UVRAG: variants seen among roughly 807,000 people sequenced by gnomAD.
UVRAG encodes the protein UV radiation resistance associated.
In UVRAG, 19 loss-of-function variants were observed where a neutral mutation model predicts 78.0. The ratio of observed to expected loss-of-function variants is 0.24; its 90% CI spans 0.17 to 0.36. UVRAG has a LOEUF of 0.36. Among genes scored for constraint, UVRAG ranks in the 10% least tolerant of loss-of-function variants. UVRAG has a pLI of 1.00. For synonymous variants in UVRAG, 323 were observed against 324.6 expected (o/e 1.00, Z 0.05); for missense variants, 740 against 853.8 (o/e 0.87, Z 1.66).
At chr11:76,093,580 T>C (rs1165871624) in intron 13 of UVRAG, among the ~76,000 whole-genome samples, 1 of 152,196 alleles carries the variant, frequency 6.6e-6, no homozygotes, top group Non-Finnish European at 1.5e-5. Context: ...TCACCTCCCT[T>C]GTAAGTTAGA....
At chr11:76,021,418 A>G (rs1030828076) in intron 12 of UVRAG, among the ~76,000 whole-genome samples, 5 of 151,904 alleles carry the variant, frequency 3.3e-5, no homozygotes, top group Non-Finnish European at 5.9e-5. Flanking sequence ...CTTCTTTTTC[A>G]TAGTCATTCT....
chr11:76,076,618 C>T (rs1218599425), intron 13 of UVRAG, among the ~76,000 whole-genome samples: 1 of 152,104 alleles, frequency 6.6e-6, no homozygotes, highest in Non-Finnish European at 1.5e-5. Flanking sequence ...TCTGTATCCT[C>T]ACCAACACTT....
At chr11:75,968,654 C>T (rs887425286) in intron 7 of UVRAG, among the ~76,000 whole-genome samples, 2 of 152,256 alleles carry the variant, frequency 1.3e-5, no homozygotes, top group African/African-American at 4.8e-5. Context: ...TCAGTATGTA[C>T]CCTGGAATAG....
intron 14 of UVRAG, among the ~76,000 whole-genome samples, chr11:76,123,422 G>A (rs1347537024): frequency 6.6e-6 from 1 of 152,198 alleles, no homozygotes; most frequent in East Asian, 1.9e-4. Flanking sequence ...GAACACTGAA[G>A]AAGGAAGCAC....
intron 1 of UVRAG, among the ~76,000 whole-genome samples, chr11:75,824,931 C>A (rs539098311): frequency 6.6e-6 from 1 of 152,210 alleles, no homozygotes; most frequent in African/African-American, 2.4e-5. Context: ...CCTCGGCCTC[C>A]CAATGTGCTG....
chr11:75,951,349 G>A (rs1315092780), intron 6 of UVRAG, among the ~76,000 whole-genome samples: 2 of 148,672 alleles, frequency 1.3e-5, no homozygotes, highest in East Asian at 1.9e-4. Context: ...GTGTGTGTGT[G>A]TGTGTGTGTG....
At chr11:75,925,575 C>G (rs533193422) in intron 6 of UVRAG, among the ~76,000 whole-genome samples, 3 of 152,246 alleles carry the variant, frequency 2.0e-5, no homozygotes, top group East Asian at 3.9e-4. Context: ...ATAACAGATA[C>G]AGCAAACAAA....
intron 12 of UVRAG, among the ~76,000 whole-genome samples, chr11:76,049,077 T>C (rs1950816055): frequency 6.6e-6 from 1 of 152,240 alleles, no homozygotes; most frequent in African/African-American, 2.4e-5. Context: ...CAGCCGCTAT[T>C]GTTTGTGTAG....
At chr11:75,952,208 C>T (rs1414419678) in intron 6 of UVRAG, among the ~76,000 whole-genome samples, 1 of 152,152 alleles carries the variant, frequency 6.6e-6, no homozygotes, top group Non-Finnish European at 1.5e-5. Context: ...TTTCTACATA[C>T]ACAATCATAG....
At chr11:76,033,544 T>A (rs558082793) in intron 12 of UVRAG, among the ~76,000 whole-genome samples, 7 of 152,216 alleles carry the variant, frequency 4.6e-5, no homozygotes, top group African/African-American at 1.7e-4. Flanking sequence ...GTCTATAAGT[T>A]TGATTTAAGA....
intron 12 of UVRAG, among the ~76,000 whole-genome samples, chr11:76,028,682 C>T (rs564436931): frequency 6.6e-6 from 1 of 152,180 alleles, no homozygotes; most frequent in Non-Finnish European, 1.5e-5. Flanking sequence ...GAGCAACGAC[C>T]TAACTTTCTT....
chr11:75,921,853 A>G (rs2135068888), intron 6 of UVRAG, among the ~76,000 whole-genome samples: 1 of 152,182 alleles, frequency 6.6e-6, no homozygotes, highest in East Asian at 1.9e-4. Flanking sequence ...TTAAAAGTGC[A>G]TATATACTGG....
intron 13 of UVRAG, among the ~76,000 whole-genome samples, chr11:76,080,740 T>C (rs977819171): frequency 6.6e-6 from 1 of 152,238 alleles, no homozygotes; most frequent in African/African-American, 2.4e-5. Context: ...ACTTCCTCTT[T>C]AAGATTCATT....
intron 4 of UVRAG, among the ~76,000 whole-genome samples, chr11:75,880,910 C>T (rs1344895811): frequency 1.4e-5 from 2 of 143,404 alleles, no homozygotes; most frequent in Non-Finnish European, 3.1e-5. Flanking sequence ...TTTCTTTCTT[C>T]CTTTCTTTTA....
At chr11:75,871,275 A>G (rs1362533058) in intron 3 of UVRAG, among the ~76,000 whole-genome samples, 1 of 139,894 alleles carries the variant, frequency 7.1e-6, no homozygotes, top group African/African-American at 2.7e-5. Flanking sequence ...TTTACATGGC[A>G]TATGCCCTTT....
intron 5 of UVRAG, among the ~76,000 whole-genome samples, chr11:75,910,252 C>A (rs745972071): frequency 6.6e-6 from 1 of 152,084 alleles, no homozygotes; most frequent in African/African-American, 2.4e-5. Flanking sequence ...AGCATTATAG[C>A]GAACATGTAT....
intron 4 of UVRAG, among the ~76,000 whole-genome samples, chr11:75,883,328 G>A (rs1202236936): frequency 4.1e-5 from 6 of 145,918 alleles, no homozygotes; most frequent in South Asian, 2.1e-4. Flanking sequence ...TGGCATTCAG[G>A]TGTCTTCATA....
intron 14 of UVRAG, among the ~76,000 whole-genome samples, chr11:76,130,306 T>C (rs1343011543): frequency 3.9e-5 from 6 of 152,212 alleles, no homozygotes; most frequent in Non-Finnish European, 5.9e-5. Flanking sequence ...TTGATGTATG[T>C]GATGTATGTG....
rs947797057 is a variant in UVRAG, at chr11:76,116,018, G to A, written c.1397+3G>A. 1 of 1,613,166 alleles carries A rather than the reference G, an allele frequency of 6.2e-7. No homozygotes were observed. Among genetic ancestry groups the A allele is most frequent in the African/African-American group, 1.3e-5 (1 of 74,890 alleles). On this transcript the variant is annotated splice_donor_region_variant and intron_variant, in intron 14 of 14. Coordinates refer to ENST00000356136, the MANE Select transcript of UVRAG (RefSeq NM_003369.4). ...GAGCATGGACTAATGGTCAGGTGGT[G>A]AGTACCTTTATCTCTGATAACCAGA... is the stretch of plus-strand genomic sequence containing the variant.
Sources: allele counts gnomAD v4.1 joint callset (sites outside exome capture counted in the v4.1 genomes callset), GRCh38; gene constraint gnomAD v4.1.1; transcripts MANE v1.5; gene names NCBI Gene and HGNC (gene_info 2026-07-23, HGNC 2026-07-21).